Variants in KIF21A observed in about 807,000 individuals in gnomAD.
KIF21A encodes the protein kinesin-like protein KIF21A.
A neutral mutation model predicts 202.9 loss-of-function variants in KIF21A; 114 were observed. The observed-to-expected ratio is 0.56, with a 90% CI of 0.48 to 0.66. KIF21A has a LOEUF of 0.66. Ranked by LOEUF, KIF21A falls within the 30% of genes least tolerant of loss-of-function variation. The pLI is 0.00. For missense variants in KIF21A, 1,677 were observed against 1,994.9 expected (o/e 0.84, Z 3.04); for synonymous variants, 667 against 670.8 (o/e 0.99, Z 0.09).
At chr12:39,393,431 T>C (rs1951514516) in intron 1 of KIF21A, among the ~76,000 whole-genome samples, 2 of 152,210 alleles carry the variant, frequency 1.3e-5, no homozygotes, top group Non-Finnish European at 2.9e-5. Flanking sequence ...CTCCCTCCAA[T>C]GGACTAATCC....
At chr12:39,390,704 T>A (rs1951284842) in intron 1 of KIF21A, among the ~76,000 whole-genome samples, 1 of 152,052 alleles carries the variant, frequency 6.6e-6, no homozygotes, top group Non-Finnish European at 1.5e-5. Flanking sequence ...AAAAAATATA[T>A]ATATATTTGT....
At chr12:39,381,231 C>A (rs1950593090) in intron 1 of KIF21A, among the ~76,000 whole-genome samples, 1 of 151,244 alleles carries the variant, frequency 6.6e-6, no homozygotes, top group Admixed American at 6.6e-5. Context: ...TGGTGTGAAC[C>A]CAGGAGGCAG....
Position 39,441,676 on chromosome 12 carries a change from A to AAAAAAAAAAAAC in KIF21A, c.44+1250_44+1251insGTTTTTTTTTTT, listed in dbSNP as rs1041857523. On this transcript the variant is annotated intron_variant, in intron 1 of 37. Coordinates refer to ENST00000361418, the MANE Select transcript of KIF21A (RefSeq NM_001173464.2). ...CCTGGGTGGTAAAAAAAAAAAAAAA[A>AAAAAAAAAAAAC]AAAACACTTAAAAACTCATTTTATT... Among the ~76,000 whole-genome samples the AAAAAAAAAAAAC allele has an allele frequency of 1.7e-4, 23 of 137,380 alleles. 1 individual carries two copies. Among genetic ancestry groups the AAAAAAAAAAAAC allele is most frequent in the African/African-American group, 5.9e-4 (21 of 35,800 alleles). The allele number at this position is 137,380 out of a possible 152,430, so 90.1% of individuals were successfully genotyped here.
rs749595784 is a variant in KIF21A, at chr12:39,341,444, C to A, written c.1921+61G>T. The stretch of plus-strand genomic sequence containing the variant: ...TGAAATAGAGAATGTTAAGAGTTTT[C>A]TGTCATGGTTTAAACAACTTCCCAA... On this transcript the variant is annotated intron_variant, in intron 14 of 37. Transcript: ENST00000361418. 9 of 1,502,862 alleles carry A rather than the reference C, an allele frequency of 6.0e-6. No individual in the cohort carries two copies. In the East Asian group the frequency reaches 1.4e-4, roughly 23 times the overall value. The allele number at this position is 1,502,862 out of a possible 1,614,324, so 93.1% of individuals were successfully genotyped here.
chr12:39,436,448 A>ATATATATATATATATATATATTTTTTTT (rs1387332677), intron 1 of KIF21A, among the ~76,000 whole-genome samples: 4 of 95,758 alleles, frequency 4.2e-5, no homozygotes, highest in Non-Finnish European at 5.9e-5. Flanking sequence ...ATATATATAT[A>ATATATATATATATATATATATTTTTTTT]TTTTTTTTTT....
At chr12:39,398,194 C>CT (rs1566155270) in intron 1 of KIF21A, among the ~76,000 whole-genome samples, 35 of 152,160 alleles carry the variant, frequency 2.3e-4, no homozygotes, top group African/African-American at 8.2e-4. Context: ...ATTTTAAAAA[C>CT]CATCATAGGG....
At chr12:39,424,372 C>A (rs935369994) in intron 1 of KIF21A, among the ~76,000 whole-genome samples, 1 of 152,150 alleles carries the variant, frequency 6.6e-6, no homozygotes, top group Non-Finnish European at 1.5e-5. Context: ...GCTCTTTCCC[C>A]ATAAGTCTTC....
At chr12:39,371,227 C>T (rs1411708663) in intron 1 of KIF21A, among the ~76,000 whole-genome samples, 1 of 152,026 alleles carries the variant, frequency 6.6e-6, no homozygotes, top group African/African-American at 2.4e-5. Flanking sequence ...GGAGAGTTGA[C>T]TGTGTATAGA....
intron 1 of KIF21A, among the ~76,000 whole-genome samples, chr12:39,389,179 TACACAC>T (rs10632410): frequency 2.5e-4 from 36 of 142,172 alleles, no homozygotes; most frequent in African/African-American, 3.3e-4. Flanking sequence ...TAAATACACA[TACACAC>T]ACACACACAC....
At chr12:39,337,869 T>C (rs992998195) in intron 16 of KIF21A, among the ~76,000 whole-genome samples, 1 of 152,200 alleles carries the variant, frequency 6.6e-6, no homozygotes, top group African/African-American at 2.4e-5. Context: ...GTAGTGCTGG[T>C]ATAAACAACC....
At chr12:39,337,068 AT>A in intron 17 of KIF21A, 27 bp downstream of exon 17, 3 of 1,433,378 alleles carry the variant, frequency 2.1e-6, no homozygotes, top group Non-Finnish European at 2.9e-6. Context: ...CAATTTTCTT[AT>A]ATAACTGAGA....
In KIF21A at chr12:39,331,745, G is replaced by T; in HGVS notation, c.3098C>A (p.Thr1033Asn). The change falls in exon 22 of 38, where the codon ACC becomes AAC. Residue 1033 changes from threonine (T) to asparagine (N), a missense_variant. Transcript: ENST00000361418. ...LDVTAVINAC[T>N]LTEARYLLDH... ...TAGCAGGTATCGGGCTTCTGTAAGG[G>T]TGCAGGCATTAATGACTGCAGTAAC... 2 of 1,613,650 alleles carry T rather than the reference G, an allele frequency of 1.2e-6. No individual in the cohort carries two copies. Among genetic ancestry groups the T allele is most frequent in the South Asian group, 1.1e-5 (1 of 91,074 alleles).
intron 1 of KIF21A, among the ~76,000 whole-genome samples, chr12:39,374,255 A>G (rs891834842): frequency 1.3e-5 from 2 of 152,164 alleles, no homozygotes; most frequent in African/African-American, 4.8e-5. Context: ...TGAAATATAC[A>G]TATCCTTCTG....
At chr12:39,410,568 TTAAC>T (rs1432263680) in intron 1 of KIF21A, among the ~76,000 whole-genome samples, 2 of 152,156 alleles carry the variant, frequency 1.3e-5, no homozygotes, top group African/African-American at 2.4e-5. Flanking sequence ...AGCAATCCTA[TTAAC>T]TATCTTGACC....
chr12:39,313,972 C>T (rs1367997282), intron 31 of KIF21A, among the ~76,000 whole-genome samples: 2 of 151,290 alleles, frequency 1.3e-5, no homozygotes, highest in Non-Finnish European at 3.0e-5. Flanking sequence ...GAACATTTAC[C>T]GGAGAGAGGA....
intron 24 of KIF21A, among the ~76,000 whole-genome samples, chr12:39,327,672 C>G (rs575968879): frequency 6.6e-6 from 1 of 152,298 alleles, no homozygotes; most frequent in South Asian, 2.1e-4. Flanking sequence ...CTTGACAGAA[C>G]CAGTCTGGCC....
chr12:39,316,371 T>C (rs1944545598), intron 29 of KIF21A, among the ~76,000 whole-genome samples: 1 of 140,666 alleles, frequency 7.1e-6, no homozygotes. Flanking sequence ...TTCACCTTGA[T>C]AATTATCACT....
intron 29 of KIF21A, among the ~76,000 whole-genome samples, chr12:39,317,449 A>T (rs1944674228): frequency 6.6e-6 from 1 of 152,166 alleles, no homozygotes; most frequent in Admixed American, 6.5e-5. Flanking sequence ...TTCTGGCTCA[A>T]TGTGTGGATA....
chr12:39,343,465 TACA>T (rs1399675898), intron 12 of KIF21A, among the ~76,000 whole-genome samples: 11 of 152,128 alleles, frequency 7.2e-5, no homozygotes, highest in African/African-American at 2.7e-4. Context: ...AAAAAAACTT[TACA>T]ACTTTATCAG....
Sources: gnomAD v4.1 joint callset for allele counts (sites outside exome capture counted in the v4.1 genomes callset) on GRCh38, gnomAD v4.1.1 for gene constraint, MANE v1.5 for transcripts, NCBI Gene and HGNC (gene_info 2026-07-23, HGNC 2026-07-21) for gene names.